Variants in CDH5 observed in about 807,000 individuals in gnomAD.
CDH5 encodes cadherin-5.
In CDH5, 28 loss-of-function variants were observed where a neutral mutation model predicts 62.0. The observed-to-expected ratio is 0.45, with a 90% CI of 0.33 to 0.62. CDH5 has a LOEUF of 0.62. Among genes scored for constraint, CDH5 ranks in the 20% least tolerant of loss-of-function variants. The pLI, the probability that CDH5 is intolerant of heterozygous loss-of-function variation, is 0.02. For missense variants in CDH5, 940 were observed against 1,065.1 expected (o/e 0.88, Z 1.63); for synonymous variants, 464 against 445.8 (o/e 1.04, Z -0.52).
chr16:66,397,966 G>A lies in CDH5; in HGVS notation c.1361-16G>A. On this transcript the variant is annotated splice_polypyrimidine_tract_variant and intron_variant, in intron 8 of 11. Coordinates refer to ENST00000341529, the MANE Select transcript of CDH5 (RefSeq NM_001795.5). ...ATCAGCTGAGCCCATAATGGTGACA[G>A]TCTTCTCCCCTGCAGGAACCCCCAC... 6.2e-7 allele frequency: 1 copy of A among 1,614,124 alleles called. No individual in the cohort carries two copies. Among genetic ancestry groups the A allele is most frequent in the Non-Finnish European group, 8.5e-7 (1 of 1,179,998 alleles).
intron 3 of CDH5, among the ~76,000 whole-genome samples, chr16:66,387,421 C>G (rs1263465374): frequency 6.6e-6 from 1 of 152,188 alleles, no homozygotes; most frequent in African/African-American, 2.4e-5. Flanking sequence ...AACCCTGACA[C>G]TGGTCACAGA....
chr16:66,369,726 CA>C (rs921819026), intron 1 of CDH5, among the ~76,000 whole-genome samples: 3 of 152,196 alleles, frequency 2.0e-5, no homozygotes, highest in Non-Finnish European at 4.4e-5. Flanking sequence ...GATTCCAGCA[CA>C]AATTTGTTTC....
rs2142315725 is a variant in CDH5 at position 66,379,707 on chromosome 16, TC to T, written c.210+161del. ...AAGGTGGTAGCAATAGTGGTAGAGG[TC>T]GTGGTGGTAGAAGTAGTGGTGGTAA... On this transcript the variant is annotated intron_variant, in intron 2 of 11. Coordinates refer to ENST00000341529, the MANE Select transcript of CDH5 (RefSeq NM_001795.5). The T allele has an allele frequency of 4.6e-6, 3 of 658,766 alleles. No homozygotes were observed. In the East Asian group the frequency reaches 8.2e-5, roughly 18 times the overall value. The allele number at this position is 658,766 out of a possible 1,614,324, so 40.8% of individuals were successfully genotyped here. A position where few individuals can be genotyped will look rare whatever the true frequency, so the allele number is the denominator to read the frequency against.
Position 66,398,450 on chromosome 16 carries a change from C to T in CDH5, c.1486-6C>T, listed in dbSNP as rs1444928649. On this transcript the variant is annotated splice_region_variant and splice_polypyrimidine_tract_variant and intron_variant, in intron 9 of 11. Coordinates refer to ENST00000341529, the MANE Select transcript of CDH5 (RefSeq NM_001795.5). ...CACTGACCATCTCCTGTCTTCCACA[C>T]TCCAGCTGGTCCTGCAGATCTCCGC... The T allele has an allele frequency of 6.3e-7, 1 of 1,579,894 alleles. No individual in the cohort carries two copies. The highest frequency in any genetic ancestry group is 8.7e-7 in the Non-Finnish European group (1 of 1,148,704).
intron 1 of CDH5, among the ~76,000 whole-genome samples, chr16:66,368,016 C>T (rs1596921149): frequency 6.6e-6 from 1 of 152,166 alleles, no homozygotes; most frequent in Non-Finnish European, 1.5e-5. Flanking sequence ...TCCTCAGGTG[C>T]CCAGCAGGTA....
At chr16:66,372,016 G>A (rs1016272283) in intron 1 of CDH5, among the ~76,000 whole-genome samples, 2 of 152,078 alleles carry the variant, frequency 1.3e-5, no homozygotes, top group Admixed American at 1.3e-4. Context: ...ACAGCCCCTT[G>A]GAGGCAGAAC....
At chr16:66,384,176 C>G (rs1960944447) in intron 2 of CDH5, among the ~76,000 whole-genome samples, 1 of 150,176 alleles carries the variant, frequency 6.7e-6, no homozygotes, top group Non-Finnish European at 1.5e-5. Flanking sequence ...CCTCTGCCTC[C>G]CAGGCTCAAA....
intron 11 of CDH5, among the ~76,000 whole-genome samples, chr16:66,401,305 A>G (rs971316446): frequency 1.3e-5 from 2 of 152,206 alleles, no homozygotes; most frequent in Admixed American, 6.5e-5. Context: ...TATACATAAC[A>G]GTCACTCCTT....
intron 1 of CDH5, among the ~76,000 whole-genome samples, chr16:66,370,428 C>T (rs1270651450): frequency 6.6e-6 from 1 of 152,182 alleles, no homozygotes; most frequent in East Asian, 1.9e-4. Flanking sequence ...CAAGGAGGAG[C>T]TTCTTTAAGT....
chr16:66,387,444 C>G (rs1961006002), intron 3 of CDH5, among the ~76,000 whole-genome samples: 1 of 152,144 alleles, frequency 6.6e-6, no homozygotes, highest in Non-Finnish European at 1.5e-5. Context: ...AAGCCCTGAT[C>G]CTGATCGTGG....
intron 3 of CDH5, 48 bp from the exon 4 acceptor site, chr16:66,388,276 G>C: frequency 8.5e-7 from 1 of 1,179,806 alleles, no homozygotes; most frequent in Non-Finnish European, 1.3e-6. Flanking sequence ...AATGGGGTAA[G>C]GGGCCTAGCA....
rs560949687 is a variant in CDH5, at chr16:66,370,340, A to G, written c.-20+3582A>G. 2.8e-4 allele frequency among the ~76,000 whole-genome samples: 42 copies of G among 152,206 alleles called. No homozygotes were observed. The South Asian group carries it at 7.3e-3, about 26-fold the overall frequency. On this transcript the variant is annotated intron_variant, in intron 1 of 11. Transcript: ENST00000341529. ...AGGATAATTTTGTTGTCAGTAAAGG[A>G]TCAAAATCCTATCGGTGGTCTTTTG...
chr16:66,403,085 C>G lies in CDH5; in HGVS notation c.2271C>G (p.Tyr757Ter). The change falls in exon 12 of 12, where the codon TAC (tyrosine) becomes TAG (stop). Residue 757 changes from tyrosine (Y) to a stop codon, truncating the protein, a stop_gained. Coordinates refer to ENST00000341529, the MANE Select transcript of CDH5 (RefSeq NM_001795.5). LOFTEE classifies it high-confidence loss of function. This position sits in a 1 kb window ranked among gnomAD's most constrained non-coding sequence, Gnocchi z 4.3. ...GTDSSDSDVD[Y>*]DFLNDWGPRF... ...ACTCATCCGACTCTGACGTGGATTA[C>G]GACTTCCTTAACGACTGGGGACCCA... is the stretch of plus-strand genomic sequence containing the variant. 1 of 1,613,772 alleles carries G rather than the reference C, an allele frequency of 6.2e-7. No individual in the cohort carries two copies.
intron 1 of CDH5, among the ~76,000 whole-genome samples, chr16:66,378,978 C>A (rs1960834179): frequency 6.6e-6 from 1 of 152,168 alleles, no homozygotes; most frequent in African/African-American, 2.4e-5. Flanking sequence ...GGAAAGGACG[C>A]AAACCTTCTT....
chr16:66,377,935 A>G (rs1376360136), intron 1 of CDH5, among the ~76,000 whole-genome samples: 1 of 152,174 alleles, frequency 6.6e-6, no homozygotes, highest in African/African-American at 2.4e-5. Flanking sequence ...AACCTGTGCA[A>G]CTGTACAGGG....
intron 1 of CDH5, among the ~76,000 whole-genome samples, chr16:66,371,759 G>A (rs559423571): frequency 1.3e-5 from 2 of 152,168 alleles, no homozygotes; most frequent in Non-Finnish European, 2.9e-5. Context: ...AGGGGCAGGG[G>A]GTCCTCCTGG....
chr16:66,388,191 AAC>A, intron 3 of CDH5, 131 bp from the exon 4 acceptor site: 1 of 648,604 alleles, frequency 1.5e-6, no homozygotes, highest in Non-Finnish European at 2.7e-6. Flanking sequence ...CAGAAAACAA[AAC>A]AGCCTTTTAT....
At position 66,400,709 on chromosome 16, in the gene CDH5, G is replaced by A. The variant is rs567060685; in HGVS notation, c.1592-62G>A. 2.0e-5 allele frequency: 32 copies of A among 1,608,758 alleles called. No homozygotes were observed. The Admixed American group carries it at 3.8e-4, about 19-fold the overall frequency. On this transcript the variant is annotated intron_variant, in intron 10 of 11. Coordinates refer to ENST00000341529, the MANE Select transcript of CDH5 (RefSeq NM_001795.5). ...TGCAGTCAGGGAGGGCTTCCTGGAG[G>A]AGCCAGGTTTCCCCATCTGTGCAGA...
At position 66,379,343 on chromosome 16, in the gene CDH5, G is replaced by C. The variant is rs1205882492; in HGVS notation, c.6G>C (p.Gln2His). The C allele has an allele frequency of 6.2e-7, 1 of 1,607,516 alleles. No homozygotes were observed. Among genetic ancestry groups the C allele is most frequent in the South Asian group, 1.1e-5 (1 of 90,786 alleles). The change falls in exon 2 of 12, where the codon CAG becomes CAC. Residue 2 changes from glutamine (Q) to histidine (H), a missense_variant. Gln to His is a conservative substitution (Grantham distance 24). Transcript: ENST00000341529. ...GATCTGTTCCTCCTGGGAAGATGCA[G>C]AGGCTCATGATGCTCCTCGCCACAT... M[Q>H]RLMMLLATSG...
Sources: allele counts gnomAD v4.1 joint callset (sites outside exome capture counted in the v4.1 genomes callset), GRCh38; gene constraint gnomAD v4.1.1; non-coding constraint Gnocchi (gnomAD v3.1); transcripts MANE v1.5; gene names NCBI Gene and HGNC (gene_info 2026-07-23, HGNC 2026-07-21).